The following GCNA variants were observed in gnomAD, a reference collection of about 807,000 sequenced individuals.
GCNA encodes germ cell nuclear acidic protein.
A neutral mutation model predicts 38.8 loss-of-function variants in GCNA; 3 were observed. The ratio of observed to expected loss-of-function variants is 0.08; its 90% CI spans 0.04 to 0.20. The LOEUF (loss-of-function observed/expected upper bound fraction) is 0.20, where lower values mean the gene tolerates loss of function less well. Among genes scored for constraint, GCNA ranks in the 10% least tolerant of loss-of-function variants. The probability of loss-of-function intolerance (pLI) is 1.00; values close to 1 mark genes in which losing one functional copy is unlikely to be tolerated. For missense variants in GCNA, 446 were observed against 578.6 expected (o/e 0.77, Z 2.35); for synonymous variants, 195 against 240.2 (o/e 0.81, Z 1.74).
At chrX:71,597,272 T>A (rs2040678584) in intron 6 of GCNA, among the ~76,000 whole-genome samples, 1 of 111,963 alleles carries the variant, frequency 8.9e-6, no homozygotes, top group South Asian at 3.7e-4. Context: ...CCTGTAACAG[T>A]GTATTAAGTA....
chrX:71,591,027 A>G (rs1175987096), intron 2 of GCNA, among the ~76,000 whole-genome samples: 8 of 111,482 alleles, frequency 7.2e-5, no homozygotes, highest in Non-Finnish European at 1.3e-4. Context: ...CCTTATAGCT[A>G]TTATGTCCCC....
chrX:71,601,456 T>A (rs964225550), intron 7 of GCNA, among the ~76,000 whole-genome samples: 4 of 112,019 alleles, frequency 3.6e-5, no homozygotes, highest in African/African-American at 1.3e-4. Flanking sequence ...AATGACAGGA[T>A]CTCATTCTTT....
chrX:71,598,464 T>C (rs777386853), intron 7 of GCNA, among the ~76,000 whole-genome samples: 3 of 110,726 alleles, frequency 2.7e-5, no homozygotes, highest in Non-Finnish European at 5.7e-5. Context: ...GCTTGAAGGG[T>C]GGTGGTTATG....
At chrX:71,580,032 T>G (rs2040534008) in intron 1 of GCNA, among the ~76,000 whole-genome samples, 4 of 90,637 alleles carry the variant, frequency 4.4e-5, no homozygotes, top group Non-Finnish European at 6.5e-5. Flanking sequence ...AGGAAGAAGG[T>G]GATGAGGGGG....
Position 71,613,056 on chromosome X carries a change from T to A in GCNA, c.*74T>A. On this transcript the variant is annotated 3_prime_UTR_variant, in exon 13 of 13. Coordinates refer to ENST00000373696, the MANE Select transcript of GCNA (RefSeq NM_052957.5). Reference sequence around the variant, plus strand: ...ATGGCTAGGATTAGCCTTGGGGATGTGATGAAAACACTTGGCAGGAATTAC... The same window carrying A: ...ATGGCTAGGATTAGCCTTGGGGATGAGATGAAAACACTTGGCAGGAATTAC... 8.7e-7 allele frequency: 1 copy of A among 1,148,831 alleles called. No individual in the cohort carries two copies. The highest frequency in any genetic ancestry group is 1.2e-6 in the Non-Finnish European group (1 of 845,284). 94.7% of individuals were successfully genotyped at this position (1,148,831 alleles called of 1,213,427 possible).
At chrX:71,600,021 G>A (rs759536550) in intron 7 of GCNA, among the ~76,000 whole-genome samples, 1 of 112,148 alleles carries the variant, frequency 8.9e-6, no homozygotes, top group East Asian at 2.8e-4. Flanking sequence ...TTCACATCTT[G>A]CCTATGCCAT....
rs749789946 is a variant in GCNA, at chrX:71,604,636, G to A, written c.1359G>A (p.Arg453=). ...CCAAAAATATAGTGGAGCCACTGAGGAAGAGGAAGGCGAAAACCAAAAATG... is the reference window on the plus strand; with the variant it reads ...CCAAAAATATAGTGGAGCCACTGAGAAAGAGGAAGGCGAAAACCAAAAATG... ...TKTKNIVEPL[R]KRKAKTKNVS... The change falls in exon 8 of 13, where the codon AGG becomes AGA. Residue 453 remains arginine, a synonymous_variant. Coordinates refer to ENST00000373696, the MANE Select transcript of GCNA (RefSeq NM_052957.5). 7 of 1,207,250 alleles carry A rather than the reference G, an allele frequency of 5.8e-6. No individual in the cohort carries two copies. Among genetic ancestry groups the A allele is most frequent in the Non-Finnish European group, 2.2e-6 (2 of 893,369 alleles).
chrX:71,589,190 A>T (rs1331643788), intron 2 of GCNA, among the ~76,000 whole-genome samples: 1 of 109,664 alleles, frequency 9.1e-6, no homozygotes, highest in African/African-American at 3.3e-5. Context: ...TTTTTTTTTA[A>T]ATGTATCTTT....
chrX:71,591,752 C>T lies in GCNA; in HGVS notation c.60-370C>T, dbSNP rs34260180. Reference sequence around the variant, plus strand: ...ATTCCTGGGCTCAAGCGATCCTCCCCGCTCAGCCTCCCAAGTTGGTGGGAT... The same window carrying T: ...ATTCCTGGGCTCAAGCGATCCTCCCTGCTCAGCCTCCCAAGTTGGTGGGAT... On this transcript the variant is annotated intron_variant, in intron 2 of 12. Coordinates refer to ENST00000373696, the MANE Select transcript of GCNA (RefSeq NM_052957.5). 2.9e-4 allele frequency among the ~76,000 whole-genome samples: 33 copies of T among 112,141 alleles called. No homozygotes were observed. In the East Asian group the frequency reaches 5.0e-3, roughly 17 times the overall value.
intron 2 of GCNA, among the ~76,000 whole-genome samples, chrX:71,588,365 C>T (rs2040598570): frequency 9.0e-6 from 1 of 111,710 alleles, no homozygotes; most frequent in African/African-American, 3.3e-5. Context: ...ATGAACAGTA[C>T]AGAAGCATAT....
At position 71,580,895 on chromosome X, in the gene GCNA, GT is replaced by G; in HGVS notation, c.59+17del. The stretch of plus-strand genomic sequence containing the variant: ...GACGAGGATTGGTGAGATTTAGAAA[GT>G]TCTGTTTTCTTTTAGTTTAGTGTTA... On this transcript the variant is annotated intron_variant, in intron 2 of 12. Coordinates refer to ENST00000373696, the MANE Select transcript of GCNA (RefSeq NM_052957.5). The G allele has an allele frequency of 8.4e-7, 1 of 1,186,528 alleles. No individual in the cohort carries two copies. Among genetic ancestry groups the G allele is most frequent in the Non-Finnish European group, 1.1e-6 (1 of 881,628 alleles).
At chrX:71,599,913 T>G (rs1238227103) in intron 7 of GCNA, among the ~76,000 whole-genome samples, 1 of 112,548 alleles carries the variant, frequency 8.9e-6, no homozygotes, top group Admixed American at 9.4e-5. Context: ...ATTTGAAGTT[T>G]TTTCATAATT....
chrX:71,609,678 G>T (rs2040795763), intron 10 of GCNA, among the ~76,000 whole-genome samples: 2 of 111,850 alleles, frequency 1.8e-5, no homozygotes, highest in African/African-American at 3.3e-5. Context: ...TGTAGGACTG[G>T]ATACCAGAGG....
At position 71,612,998 on chromosome X, in the gene GCNA, G is replaced by A. The variant is rs1439026827; in HGVS notation, c.*16G>A. 1 of 1,208,863 alleles carries A rather than the reference G, an allele frequency of 8.3e-7. No individual in the cohort carries two copies. The highest frequency in any genetic ancestry group is 1.1e-6 in the Non-Finnish European group (1 of 893,309). On this transcript the variant is annotated 3_prime_UTR_variant, in exon 13 of 13. Coordinates refer to ENST00000373696, the MANE Select transcript of GCNA (RefSeq NM_052957.5). ...CCACGTGTGACCATTTGCTGTGTAT[G>A]TGCAGAAGTATTATAGAAAAATTAT...
rs112812495 is a variant in GCNA at position 71,605,359 on chromosome X, C to T, written c.1400-304C>T. Among the ~76,000 whole-genome samples, 4 of 112,679 alleles carry T rather than the reference C, an allele frequency of 3.5e-5. 1 individual carries two copies. The highest frequency in any genetic ancestry group is 2.8e-4 in the Admixed American group (3 of 10,682). On this transcript the variant is annotated intron_variant, in intron 8 of 12. Coordinates refer to ENST00000373696, the MANE Select transcript of GCNA (RefSeq NM_052957.5). ...TGTGAGCTGTTCCATAGCACCCCTTCGACTGTGCACGCTTCAGTTGCCCAC... is the reference window on the plus strand; with the variant it reads ...TGTGAGCTGTTCCATAGCACCCCTTTGACTGTGCACGCTTCAGTTGCCCAC...
At position 71,594,334 on chromosome X, in the gene GCNA, C is replaced by G; in HGVS notation, c.144C>G (p.Cys48Trp). The G allele has an allele frequency of 8.3e-7, 1 of 1,203,642 alleles. No homozygotes were observed. The highest frequency in any genetic ancestry group is 1.1e-6 in the Non-Finnish European group (1 of 889,972). Residue 48 changes from cysteine (C) to tryptophan (W), a missense_variant, in exon 5 of 13, where the codon TGC (cysteine) becomes TGG (tryptophan). This residue lies in a region of GCNA where 25 missense variants were observed against 52.8 expected (regional missense o/e 0.47). Coordinates refer to ENST00000373696, the MANE Select transcript of GCNA (RefSeq NM_052957.5). Reference protein sequence around the residue: ...ARRAPKRQASCILNVQSRSGD... With the variant: ...ARRAPKRQASWILNVQSRSGD... ...AGTATCTCTTTTATTTTTGCAGTTG[C>G]ATCCTTAATGTCCAGTCAAGGAGTG...
chrX:71,612,308 A>AG (rs761933456), intron 11 of GCNA, 47 bp from the exon 12 acceptor site: 29 of 709,952 alleles, frequency 4.1e-5, no homozygotes, highest in Non-Finnish European at 5.8e-5. Context: ...AAAAAAAAAA[A>AG]GAGGATTGGT....
intron 10 of GCNA, among the ~76,000 whole-genome samples, chrX:71,610,183 A>C (rs918772163): frequency 7.2e-5 from 8 of 111,730 alleles, no homozygotes; most frequent in Non-Finnish European, 1.5e-4. Context: ...TTCTCCTCAG[A>C]ATGTTTTGAT....
At chrX:71,608,184 C>G (rs1255747373) in intron 9 of GCNA, among the ~76,000 whole-genome samples, 1 of 111,899 alleles carries the variant, frequency 8.9e-6, no homozygotes, top group Non-Finnish European at 1.9e-5. Context: ...GAGTAGGAAC[C>G]AGGGGGATGG....
Sources: allele counts gnomAD v4.1 joint callset (sites outside exome capture counted in the v4.1 genomes callset), GRCh38; gene constraint gnomAD v4.1.1; regional missense constraint gnomAD v4.1.1; transcripts MANE v1.5; gene names NCBI Gene and HGNC (gene_info 2026-07-23, HGNC 2026-07-21).